ABL1: variants seen among roughly 807,000 people sequenced by gnomAD.
ABL1 encodes the protein tyrosine-protein kinase ABL1.
Under a neutral mutation model 94.7 loss-of-function variants are expected in ABL1, and 11 were observed. The ratio of observed to expected loss-of-function variants is 0.12; its 90% CI spans 0.07 to 0.19. The LOEUF (loss-of-function observed/expected upper bound fraction) is 0.19. ABL1 is among the 10% of genes least tolerant of loss of function. The pLI is 1.00. For synonymous variants in ABL1, 656 were observed against 622.4 expected (o/e 1.05, Z -0.80); for missense variants, 1,082 against 1,489.4 (o/e 0.73, Z 4.50).
chr9:130,764,537 A>G (rs1832156627), intron 1 of ABL1, among the ~76,000 whole-genome samples: 1 of 152,256 alleles, frequency 6.6e-6, no homozygotes, highest in South Asian at 2.1e-4. Context: ...ATAAACCTGG[A>G]CACCTGTGCA....
intron 1 of ABL1, among the ~76,000 whole-genome samples, chr9:130,732,345 G>T (rs1420503664): frequency 6.6e-6 from 1 of 152,068 alleles, no homozygotes; most frequent in African/African-American, 2.4e-5. Context: ...TGAATAAACA[G>T]TGTGGAATGG....
rs35928114 is a variant in ABL1 at position 130,814,638 on chromosome 9, T to G, written c.137-39426T>G. Among the ~76,000 whole-genome samples the G allele has an allele frequency of 0.046, 7,042 of 151,464 alleles. 517 individuals carry two copies. The highest frequency in any genetic ancestry group is 0.16 in the African/African-American group (6,480 of 41,310). ...TACGCCTGTAATCCCAGCACTTTGG[T>G]AGGCCGAGGTGGGCGGATCACGAGG... On this transcript the variant is annotated intron_variant, in intron 1 of 10. Coordinates refer to the ABL1 transcript ENST00000372348. The surrounding 1 kb of genome is among the most constrained non-coding windows in gnomAD (Gnocchi z 4.4).
chr9:130,763,958 A>T (rs1050235987), intron 1 of ABL1, among the ~76,000 whole-genome samples: 1 of 152,120 alleles, frequency 6.6e-6, no homozygotes, highest in Non-Finnish European at 1.5e-5. Flanking sequence ...GCACAAGGGG[A>T]ACATGAACCT....
Position 130,714,424 on chromosome 9 carries a change from G to A in ABL1, c.105G>A (p.Gly35=), listed in dbSNP as rs763770178. ...GGAAGAAGGAATCATCGAGGCATGGGGGTCCACACTGCAATGTTTTTGTGG... is the reference window on the plus strand; with the variant it reads ...GGAAGAAGGAATCATCGAGGCATGGAGGTCCACACTGCAATGTTTTTGTGG... Residue 35 remains glycine, a synonymous_variant, in exon 1 of 11, where the codon GGG becomes GGA. Transcript: ENST00000372348. The A allele has an allele frequency of 5.0e-6, 8 of 1,614,084 alleles. No homozygotes were observed. The highest frequency in any genetic ancestry group is 6.8e-6 in the Non-Finnish European group (8 of 1,179,990).
chr9:130,812,937 G>T (rs544501203), intron 1 of ABL1, among the ~76,000 whole-genome samples: 2 of 152,208 alleles, frequency 1.3e-5, no homozygotes, highest in African/African-American at 4.8e-5. Flanking sequence ...CAGTAGACCC[G>T]GCGGGTTGGC....
At chr9:130,868,055 GT>G (rs1276905618) in intron 4 of ABL1, among the ~76,000 whole-genome samples, 1 of 152,018 alleles carries the variant, frequency 6.6e-6, no homozygotes, top group Non-Finnish European at 1.5e-5. Context: ...CACCTCCCGG[GT>G]TCAAGCAATT....
At chr9:130,739,928 G>A (rs891071672) in intron 1 of ABL1, among the ~76,000 whole-genome samples, 2 of 152,122 alleles carry the variant, frequency 1.3e-5, no homozygotes, top group Non-Finnish European at 2.9e-5. Flanking sequence ...TAAAAAATGT[G>A]TAGTCACAAT....
chr9:130,847,492 C>A (rs1830791036), intron 1 of ABL1, among the ~76,000 whole-genome samples: 1 of 151,992 alleles, frequency 6.6e-6, no homozygotes, highest in African/African-American at 2.4e-5. Flanking sequence ...GCAACTTTGG[C>A]CTTGTAAGCT....
At chr9:130,829,061 A>G (rs1588255788) in intron 1 of ABL1, among the ~76,000 whole-genome samples, 1 of 152,248 alleles carries the variant, frequency 6.6e-6, no homozygotes, top group South Asian at 2.1e-4. Flanking sequence ...TTGCATCTCT[A>G]AACAATACTT....
rs377505675 is a variant in ABL1 at position 130,855,161 on chromosome 9, G to A, written c.549+65G>A. 402 of 1,505,204 alleles carry A rather than the reference G, an allele frequency of 2.7e-4. 1 individual carries two copies. In the African/African-American group the frequency reaches 4.5e-3, roughly 17 times the overall value. 93.2% of individuals were successfully genotyped at this position (1,505,204 alleles called of 1,614,324 possible). Reference sequence around the variant, plus strand: ...CAGGGGAACCAGAGGTCCTGCTGTCGGATTGATAAATTATTGCAAGAAAGC... The same window carrying A: ...CAGGGGAACCAGAGGTCCTGCTGTCAGATTGATAAATTATTGCAAGAAAGC... On this transcript the variant is annotated intron_variant, in intron 3 of 10. Coordinates refer to ENST00000318560, the MANE Select transcript of ABL1 (RefSeq NM_005157.6).
At chr9:130,857,252 C>G (rs146693787) in intron 3 of ABL1, among the ~76,000 whole-genome samples, 287 of 152,300 alleles carry the variant, frequency 1.9e-3, no homozygotes, top group African/African-American at 6.7e-3. Context: ...TGTGCATCAC[C>G]AGGTCACCCT....
At chr9:130,781,234 C>T (rs1177430333) in intron 1 of ABL1, among the ~76,000 whole-genome samples, 1 of 152,190 alleles carries the variant, frequency 6.6e-6, no homozygotes, top group Non-Finnish European at 1.5e-5. Context: ...ACCTTAAACA[C>T]ATGTAGAATG....
At chr9:130,827,147 C>T (rs1421303980) in intron 1 of ABL1, among the ~76,000 whole-genome samples, 1 of 152,138 alleles carries the variant, frequency 6.6e-6, no homozygotes, top group African/African-American at 2.4e-5. Context: ...AGCATGGGTC[C>T]GGGTAGGCCA....
chr9:130,873,155 G>A (rs551586270), intron 6 of ABL1, 118 bp downstream of exon 6: 1 of 1,063,390 alleles, frequency 9.4e-7, no homozygotes, highest in Non-Finnish European at 1.3e-6. Flanking sequence ...CTCAGTGCTG[G>A]CAACACATTG....
chr9:130,838,134 T>C (rs1430096169), intron 1 of ABL1, among the ~76,000 whole-genome samples: 1 of 152,246 alleles, frequency 6.6e-6, no homozygotes, highest in African/African-American at 2.4e-5. Flanking sequence ...TATTTCCATT[T>C]TATAGATGAG....
chr9:130,757,792 C>T (rs1832059669), intron 1 of ABL1, among the ~76,000 whole-genome samples: 3 of 152,042 alleles, frequency 2.0e-5, no homozygotes, highest in East Asian at 1.9e-4. Flanking sequence ...TTACCCGCCT[C>T]GGCCTCCCAA....
At chr9:130,735,959 A>ATTTTTTTTTTT (rs1168330887) in intron 1 of ABL1, among the ~76,000 whole-genome samples, 2 of 81,764 alleles carry the variant, frequency 2.4e-5, no homozygotes, top group African/African-American at 1.7e-4. Context: ...ATATATATAT[A>ATTTTTTTTTTT]TATTTTTTTT....
At chr9:130,721,826 T>G (rs1047533821) in intron 1 of ABL1, among the ~76,000 whole-genome samples, 3 of 148,680 alleles carry the variant, frequency 2.0e-5, no homozygotes, top group African/African-American at 4.9e-5. Context: ...TTTTTTGTTT[T>G]TTTTTTTTTT....
chr9:130,716,072 C>CTTTTTTTTTTTTT (rs71389339), intron 1 of ABL1, among the ~76,000 whole-genome samples: 1 of 91,186 alleles, frequency 1.1e-5, no homozygotes, highest in East Asian at 2.8e-4. Flanking sequence ...GAAAAATGTC[C>CTTTTTTTTTTTTT]TTTTTTTTTT....
Sources: allele counts gnomAD v4.1 joint callset (sites outside exome capture counted in the v4.1 genomes callset), GRCh38; gene constraint gnomAD v4.1.1; non-coding constraint Gnocchi (gnomAD v3.1); transcripts MANE v1.5; gene names NCBI Gene and HGNC (gene_info 2026-07-23, HGNC 2026-07-21).